SMG6: variants seen among roughly 807,000 people sequenced by gnomAD.
SMG6 encodes the protein SMG6 nonsense mediated mRNA decay factor.
Under a neutral mutation model 142.2 loss-of-function variants are expected in SMG6, and 66 were observed. The ratio of observed to expected loss-of-function variants is 0.46; its 90% CI spans 0.38 to 0.57. The LOEUF (loss-of-function observed/expected upper bound fraction) is 0.57, where lower values mean the gene tolerates loss of function less well. SMG6 is among the 20% of genes least tolerant of loss of function. SMG6 has a pLI of 0.00. For missense variants in SMG6, 1,793 were observed against 1,832.0 expected (o/e 0.98, Z 0.39); for synonymous variants, 779 against 702.4 (o/e 1.11, Z -1.72).
intron 10 of SMG6, among the ~76,000 whole-genome samples, chr17:2,220,094 G>A (rs1186270362): frequency 6.6e-6 from 1 of 151,902 alleles, no homozygotes. Flanking sequence ...GCTAATTTTT[G>A]TATTTTTTTG....
chr17:2,091,856 T>TG (rs1567590725), intron 13 of SMG6, among the ~76,000 whole-genome samples: 1 of 141,384 alleles, frequency 7.1e-6, no homozygotes, highest in African/African-American at 2.9e-5. Flanking sequence ...GTGTGTGTGT[T>TG]TTTTTTTAGT....
chr17:2,102,281 C>A (rs906870870), intron 13 of SMG6, among the ~76,000 whole-genome samples: 1 of 151,970 alleles, frequency 6.6e-6, no homozygotes, highest in Non-Finnish European at 1.5e-5. Context: ...ATAATTAAAC[C>A]CAGCTAATTA....
chr17:2,213,030 C>T (rs1028020300), intron 10 of SMG6, among the ~76,000 whole-genome samples: 3 of 152,200 alleles, frequency 2.0e-5, no homozygotes, highest in African/African-American at 4.8e-5. Context: ...TAAAATTTAT[C>T]GCCTAAACTG....
At chr17:2,119,950 C>T (rs4790878) in intron 13 of SMG6, among the ~76,000 whole-genome samples, 47 of 152,326 alleles carry the variant, frequency 3.1e-4, no homozygotes, top group Admixed American at 3.0e-3. Context: ...GCATGAGCCA[C>T]TGCACCCGGC....
intron 15 of SMG6, among the ~76,000 whole-genome samples, chr17:2,070,050 T>C (rs948384313): frequency 2.0e-5 from 3 of 152,198 alleles, no homozygotes; most frequent in East Asian, 3.8e-4. Context: ...AAGAGTCTCC[T>C]TGGCCCCACT....
At position 2,196,564 on chromosome 17, in the gene SMG6, T is replaced by A. The variant is rs1567675269; in HGVS notation, c.2870-8049A>T. Among the ~76,000 whole-genome samples, 6 of 152,246 alleles carry A rather than the reference T, an allele frequency of 3.9e-5. No homozygotes were observed. In the South Asian group the frequency reaches 1.0e-3, roughly 26 times the overall value. On this transcript the variant is annotated intron_variant, in intron 10 of 18. Coordinates refer to ENST00000263073, the MANE Select transcript of SMG6 (RefSeq NM_017575.5). ...ATCAAAATCTTAGGAAGGTTTTATGTAGACAATAGATCTATAGGTTTAACG... is the reference window on the plus strand; with the variant it reads ...ATCAAAATCTTAGGAAGGTTTTATGAAGACAATAGATCTATAGGTTTAACG...
Position 2,303,781 on chromosome 17 carries a change from A to G in SMG6, c.-61T>C, listed in dbSNP as rs2075347179. 3 of 1,363,268 alleles carry G rather than the reference A, an allele frequency of 2.2e-6. No homozygotes were observed. The highest frequency in any genetic ancestry group is 2.9e-6 in the Non-Finnish European group (3 of 1,027,214). The allele number at this position is 1,363,268 out of a possible 1,614,324, so 84.4% of individuals were successfully genotyped here. ...CACCGCCGCGCGCAGCCAGGAAACC[A>G]CCACAGACGGGCGGCGCGCGCGCTC... On this transcript the variant is annotated 5_prime_UTR_variant, in exon 1 of 19. Coordinates refer to ENST00000263073, the MANE Select transcript of SMG6 (RefSeq NM_017575.5).
intron 10 of SMG6, among the ~76,000 whole-genome samples, chr17:2,207,211 T>C (rs1283760471): frequency 1.3e-5 from 2 of 150,264 alleles, no homozygotes; most frequent in African/African-American, 2.5e-5. Flanking sequence ...TCACTTGAAC[T>C]CAGGAAGCAG....
chr17:2,157,684 G>A lies in SMG6; in HGVS notation c.3357+14974C>T, dbSNP rs1230309187. On this transcript the variant is annotated intron_variant, in intron 13 of 18. Transcript: ENST00000263073. ...CTCTCATGCTTTCAGCTTAAAGTTA[G>A]GCTTAACTTTGTAGTAAAGTCTGCA... is the stretch of plus-strand genomic sequence containing the variant. Among the ~76,000 whole-genome samples the A allele has an allele frequency of 2.6e-5, 4 of 152,110 alleles. No homozygotes were observed. In the East Asian group the frequency reaches 5.8e-4, roughly 22 times the overall value.
At chr17:2,207,117 C>CAAAAAAAAA (rs34276256) in intron 10 of SMG6, among the ~76,000 whole-genome samples, 1,029 of 78,770 alleles carry the variant, frequency 0.013, 4 homozygotes, top group East Asian at 0.039. Flanking sequence ...ACTAAAAATC[C>CAAAAAAAAA]AAAAAAAAAA....
intron 16 of SMG6, 67 bp from the exon 17 acceptor site, chr17:2,065,746 T>C (rs2151385934): frequency 7.3e-7 from 1 of 1,365,302 alleles, no homozygotes; most frequent in Non-Finnish European, 1.0e-6. Context: ...CCTCTGTCCA[T>C]TCACTTTCCC....
At chr17:2,167,131 C>CAAAAAAAAAAAAAAA (rs57898779) in intron 13 of SMG6, among the ~76,000 whole-genome samples, 1 of 35,714 alleles carries the variant, frequency 2.8e-5, no homozygotes, top group Non-Finnish European at 4.3e-5. Context: ...GACTCCATCT[C>CAAAAAAAAAAAAAAA]AAAAAAAAAA....
chr17:2,297,113 T>G, intron 4 of SMG6, 130 bp downstream of exon 4: 1 of 555,522 alleles, frequency 1.8e-6, no homozygotes, highest in Non-Finnish European at 3.1e-6. Flanking sequence ...GTTTAATCTA[T>G]CTGTCCCTGC....
chr17:2,113,982 T>C (rs1334980783), intron 13 of SMG6, among the ~76,000 whole-genome samples: 1 of 152,206 alleles, frequency 6.6e-6, no homozygotes, highest in African/African-American at 2.4e-5. Context: ...AAAACTAGCA[T>C]TGAGGCCAGG....
At chr17:2,157,475 A>C (rs1027544114) in intron 13 of SMG6, among the ~76,000 whole-genome samples, 2 of 152,226 alleles carry the variant, frequency 1.3e-5, no homozygotes, top group Non-Finnish European at 2.9e-5. Flanking sequence ...AGCAAAGATG[A>C]GGGTAAACAG....
intron 13 of SMG6, among the ~76,000 whole-genome samples, chr17:2,169,395 C>G (rs929143282): frequency 3.9e-5 from 6 of 152,100 alleles, no homozygotes; most frequent in African/African-American, 1.4e-4. Flanking sequence ...AAGTACCTAG[C>G]TCAGGGACTG....
At chr17:2,102,528 ATTTTTTTTTT>A (rs374584197) in intron 13 of SMG6, among the ~76,000 whole-genome samples, 4 of 81,614 alleles carry the variant, frequency 4.9e-5, no homozygotes, top group African/African-American at 1.5e-4. Flanking sequence ...TGCTAATTTC[ATTTTTTTTTT>A]TTTTTTTTTT....
At chr17:2,159,426 TCAAA>T (rs750411888) in intron 13 of SMG6, among the ~76,000 whole-genome samples, 31 of 152,128 alleles carry the variant, frequency 2.0e-4, no homozygotes, top group East Asian at 7.7e-4. Context: ...AGACTCTGTC[TCAAA>T]CAAACAAACA....
At chr17:2,201,338 G>C (rs1358483726) in intron 10 of SMG6, among the ~76,000 whole-genome samples, 1 of 152,142 alleles carries the variant, frequency 6.6e-6, no homozygotes, top group African/African-American at 2.4e-5. Context: ...ACAGATGGAT[G>C]AACAATAACA....
Sources: gnomAD v4.1 joint callset for allele counts (sites outside exome capture counted in the v4.1 genomes callset) on GRCh38, gnomAD v4.1.1 for gene constraint, MANE v1.5 for transcripts, NCBI Gene and HGNC (gene_info 2026-07-23, HGNC 2026-07-21) for gene names.